PRKCA: variants seen among roughly 807,000 people sequenced by gnomAD.
PRKCA encodes protein kinase C alpha, also known as protein kinase C alpha type.
A neutral mutation model predicts 87.0 loss-of-function variants in PRKCA; 27 were observed. The ratio of observed to expected loss-of-function variants is 0.31; its 90% CI spans 0.23 to 0.43. The LOEUF is 0.43. PRKCA is among the 20% of genes least tolerant of loss of function. The probability of loss-of-function intolerance (pLI) is 1.00; values close to 1 mark genes in which losing one functional copy is unlikely to be tolerated. For missense variants in PRKCA, 518 were observed against 852.3 expected (o/e 0.61, Z 4.88); for synonymous variants, 329 against 311.1 (o/e 1.06, Z -0.61).
At chr17:66,315,756 A>G (rs1053299404) in intron 2 of PRKCA, among the ~76,000 whole-genome samples, 2 of 152,202 alleles carry the variant, frequency 1.3e-5, no homozygotes, top group Non-Finnish European at 2.9e-5. Context: ...CTGGGATTAC[A>G]GGCATGAGCC....
intron 3 of PRKCA, among the ~76,000 whole-genome samples, chr17:66,510,091 A>T (rs1327116461): frequency 4.6e-5 from 7 of 152,130 alleles, no homozygotes; most frequent in Non-Finnish European, 8.8e-5. Context: ...AGCAGAAAAG[A>T]GGGATGAGGA....
chr17:66,537,373 A>G (rs1967825363), intron 3 of PRKCA, among the ~76,000 whole-genome samples: 1 of 152,230 alleles, frequency 6.6e-6, no homozygotes, highest in Non-Finnish European at 1.5e-5. Context: ...CTGTTGCTCT[A>G]AGGATCTAAG....
chr17:66,710,457 G>A (rs867559285), intron 8 of PRKCA, among the ~76,000 whole-genome samples: 2 of 152,094 alleles, frequency 1.3e-5, no homozygotes, highest in South Asian at 2.1e-4. Context: ...TGTCATGTCC[G>A]CTTCTTAAAG....
chr17:66,445,931 A>G (rs748796398), intron 2 of PRKCA, among the ~76,000 whole-genome samples: 2 of 151,612 alleles, frequency 1.3e-5, no homozygotes. Flanking sequence ...CTCCCACCTC[A>G]GCCTTCCAGG....
chr17:66,725,600 C>T (rs1033248545), intron 8 of PRKCA, among the ~76,000 whole-genome samples: 1 of 151,372 alleles, frequency 6.6e-6, no homozygotes, highest in African/African-American at 2.4e-5. Flanking sequence ...CACTTGAGCT[C>T]AGGCGTTTGA....
intron 2 of PRKCA, among the ~76,000 whole-genome samples, chr17:66,327,273 A>G (rs1906036211): frequency 6.7e-6 from 1 of 149,988 alleles, no homozygotes; most frequent in African/African-American, 2.5e-5. Context: ...AGGCTGAGGC[A>G]GGAGAATGGC....
At chr17:66,368,934 C>CT (rs1908928323) in intron 2 of PRKCA, among the ~76,000 whole-genome samples, 2 of 152,192 alleles carry the variant, frequency 1.3e-5, no homozygotes, top group African/African-American at 4.8e-5. Flanking sequence ...ACCTCTCTAG[C>CT]TTTTAGTTTC....
chr17:66,429,633 A>G (rs1018730738), intron 2 of PRKCA, among the ~76,000 whole-genome samples: 23 of 152,094 alleles, frequency 1.5e-4, no homozygotes, highest in Non-Finnish European at 3.2e-4. Flanking sequence ...TCCTCACCTA[A>G]GGTCCAACTG....
chr17:66,404,743 T>C (rs1309232620), intron 2 of PRKCA, among the ~76,000 whole-genome samples: 1 of 55,258 alleles, frequency 1.8e-5, no homozygotes, highest in Admixed American at 2.3e-4. Flanking sequence ...ATGGTAGGCC[T>C]TTTTTTTTTT....
At chr17:66,387,679 C>A (rs180924390) in intron 2 of PRKCA, among the ~76,000 whole-genome samples, 39 of 152,286 alleles carry the variant, frequency 2.6e-4, no homozygotes, top group African/African-American at 9.4e-4. Context: ...CCTGAAAGTC[C>A]CCTGGTTCTC....
At chr17:66,438,398 T>C (rs763404063) in intron 2 of PRKCA, among the ~76,000 whole-genome samples, 6 of 152,094 alleles carry the variant, frequency 3.9e-5, no homozygotes, top group Non-Finnish European at 5.9e-5. Flanking sequence ...AGTTGAGTGG[T>C]GTGAGATTGG....
At position 66,506,245 on chromosome 17, in the gene PRKCA, G is replaced by A. The variant is rs560360904; in HGVS notation, c.288+9962G>A. Among the ~76,000 whole-genome samples, 11 of 151,576 alleles carry A rather than the reference G, an allele frequency of 7.3e-5. 1 individual carries two copies. Among genetic ancestry groups the A allele is most frequent in the Non-Finnish European group, 1.3e-4 (9 of 67,960 alleles). On this transcript the variant is annotated intron_variant, in intron 3 of 16. Coordinates refer to ENST00000413366, the MANE Select transcript of PRKCA (RefSeq NM_002737.3). ...CTGGAGGCGGAGGTTGCAGTGAGCC[G>A]ACATCGTGCCACTGCATTGCAGTCT...
chr17:66,464,589 A>G lies in PRKCA; in HGVS notation c.206-31612A>G, dbSNP rs149450867. On this transcript the variant is annotated intron_variant, in intron 2 of 16. Transcript: ENST00000413366. Reference sequence around the variant, plus strand: ...TCTAATAGGTGTGTAGTGGTATCTCATTGCTTTAATTTGCAGATCCCTAAT... The same window carrying G: ...TCTAATAGGTGTGTAGTGGTATCTCGTTGCTTTAATTTGCAGATCCCTAAT... Among the ~76,000 whole-genome samples, 928 of 152,218 alleles carry G rather than the reference A, an allele frequency of 6.1e-3. 13 individuals carry two copies. The highest frequency in any genetic ancestry group is 0.02 in the African/African-American group (824 of 41,518).
chr17:66,552,981 TATTTTC>T (rs756528735), intron 3 of PRKCA, among the ~76,000 whole-genome samples: 2 of 150,712 alleles, frequency 1.3e-5, no homozygotes, highest in Non-Finnish European at 1.5e-5. Context: ...AAAATCTGAA[TATTTTC>T]TTTTTTTTTT....
chr17:66,435,763 G>A (rs1239207992), intron 2 of PRKCA, among the ~76,000 whole-genome samples: 1 of 152,174 alleles, frequency 6.6e-6, no homozygotes, highest in Non-Finnish European at 1.5e-5. Context: ...GGGGGAGGGG[G>A]GTGGTCTTAA....
At chr17:66,670,407 T>C (rs745502884) in intron 5 of PRKCA, among the ~76,000 whole-genome samples, 1 of 152,150 alleles carries the variant, frequency 6.6e-6, no homozygotes, top group African/African-American at 2.4e-5. Flanking sequence ...GGATGGGAGC[T>C]CACAGGGAGT....
chr17:66,397,484 G>T (rs957603280), intron 2 of PRKCA, among the ~76,000 whole-genome samples: 1 of 151,946 alleles, frequency 6.6e-6, no homozygotes, highest in African/African-American at 2.4e-5. Flanking sequence ...AGGAAGAAAA[G>T]ATATATCTTT....
At chr17:66,581,067 G>C (rs1969415135) in intron 3 of PRKCA, among the ~76,000 whole-genome samples, 1 of 152,200 alleles carries the variant, frequency 6.6e-6, no homozygotes, top group Admixed American at 6.5e-5. Flanking sequence ...CCACTTGTTA[G>C]GATTCAGCAG....
At chr17:66,732,885 T>A in intron 9 of PRKCA, 60 bp downstream of exon 9, 1 of 1,577,862 alleles carries the variant, frequency 6.3e-7, no homozygotes, top group Non-Finnish European at 8.6e-7. Flanking sequence ...GAATCAGTTT[T>A]GTTCTCCTCG....
Sources: gnomAD v4.1 joint callset for allele counts (sites outside exome capture counted in the v4.1 genomes callset) on GRCh38, gnomAD v4.1.1 for gene constraint, MANE v1.5 for transcripts, NCBI Gene and HGNC (gene_info 2026-07-23, HGNC 2026-07-21) for gene names.